The following DYSF variants were observed in gnomAD, a reference collection of about 807,000 sequenced individuals.
DYSF encodes dystrophy-associated fer-1-like 1.
DYSF carries 212 observed loss-of-function variants against 274.9 expected under a neutral mutation model. That is an observed-to-expected ratio of 0.77 (90% CI 0.69 to 0.86). The LOEUF (loss-of-function observed/expected upper bound fraction) is 0.86. DYSF is among the 40% of genes least tolerant of loss of function. DYSF has a pLI of 0.00. For missense variants in DYSF, 2,666 were observed against 2,783.2 expected, an observed-to-expected ratio of 0.96 and a Z score of 0.95; for synonymous variants, 1,091 against 1,078.7, an observed-to-expected ratio of 1.01 and a Z score of -0.22.
intron 2 of DYSF, among the ~76,000 whole-genome samples, chr2:71,481,461 G>C (rs1166381003): frequency 6.6e-6 from 1 of 152,196 alleles, no homozygotes; most frequent in African/African-American, 2.4e-5. Context: ...TAGCCAACAT[G>C]GCACTAACTC....
At chr2:71,680,901 A>T (rs1313132726) in intron 53 of DYSF, 100 bp from the exon 54 acceptor site, 14 of 902,880 alleles carry the variant, frequency 1.6e-5, no homozygotes, top group East Asian at 2.6e-5. Context: ...CTTTTTTTTT[A>T]AATAATGAAG....
intron 30 of DYSF, among the ~76,000 whole-genome samples, chr2:71,587,159 G>T (rs13401232): frequency 0.052 from 7,867 of 152,292 alleles, 369 homozygotes; most frequent in African/African-American, 0.13. Context: ...AGCCAGGGGG[G>T]TGTTCTGTGG....
chr2:71,532,846 A>G (rs79786041), intron 14 of DYSF, among the ~76,000 whole-genome samples: 8 of 134,146 alleles, frequency 6.0e-5, no homozygotes, highest in African/African-American at 1.5e-4. Context: ...CTATCTATCT[A>G]TCTATCTATC....
chr2:71,503,458 G>A (rs2152716097), intron 4 of DYSF, 139 bp downstream of exon 4: 1 of 881,396 alleles, frequency 1.1e-6, no homozygotes, highest in Non-Finnish European at 1.8e-6. Context: ...CCTGACCAGA[G>A]TTTGCAGTGT....
At chr2:71,481,657 A>G (rs1450951505) in intron 2 of DYSF, among the ~76,000 whole-genome samples, 1 of 148,932 alleles carries the variant, frequency 6.7e-6, no homozygotes, top group Non-Finnish European at 1.5e-5. Context: ...TTCAGCTCAT[A>G]CTGTCACCTC....
Position 71,664,448 on chromosome 2 carries a change from T to C in DYSF, c.5174+10T>C. The C allele has an allele frequency of 6.2e-7, 1 of 1,613,898 alleles. No individual in the cohort carries two copies. The highest frequency in any genetic ancestry group is 1.3e-5 in the African/African-American group (1 of 75,030). ...CACAGACCTACTGTGTGTACGTGGA[T>C]GGGGGCTGGCTGCCTGCTTCTCTGA... On this transcript the variant is annotated intron_variant, in intron 46 of 55. Coordinates refer to ENST00000410020, the MANE Select transcript of DYSF (RefSeq NM_001130987.2).
chr2:71,608,721 C>T (rs986917600), intron 36 of DYSF, among the ~76,000 whole-genome samples: 17 of 150,426 alleles, frequency 1.1e-4, no homozygotes, highest in Admixed American at 1.1e-3. Flanking sequence ...GGAATGTCAT[C>T]ACCACGGAGC....
chr2:71,522,703 C>G (rs1192703694), intron 12 of DYSF, among the ~76,000 whole-genome samples: 2 of 152,154 alleles, frequency 1.3e-5, no homozygotes, highest in African/African-American at 4.8e-5. Flanking sequence ...TTAGGCCCCT[C>G]TAACTTATTA....
At chr2:71,573,078 A>G (rs1316269108) in intron 29 of DYSF, among the ~76,000 whole-genome samples, 1 of 152,102 alleles carries the variant, frequency 6.6e-6, no homozygotes, top group Non-Finnish European at 1.5e-5. Context: ...CTTCCTAAAC[A>G]CACATTTGAA....
intron 32 of DYSF, among the ~76,000 whole-genome samples, chr2:71,597,315 G>T (rs2093429189): frequency 6.6e-6 from 1 of 152,170 alleles, no homozygotes; most frequent in Non-Finnish European, 1.5e-5. Flanking sequence ...CAAGGGTATT[G>T]AGTGCATGGT....
chr2:71,527,690 C>T (rs1458315830), intron 13 of DYSF, among the ~76,000 whole-genome samples: 2 of 152,036 alleles, frequency 1.3e-5, no homozygotes, highest in Non-Finnish European at 1.5e-5. Flanking sequence ...AATCTTTATC[C>T]CCCTCCACTT....
chr2:71,608,726 C>T (rs1529405), intron 36 of DYSF, among the ~76,000 whole-genome samples: 24,978 of 151,904 alleles, frequency 0.16, 4,145 homozygotes, highest in African/African-American at 0.43. Flanking sequence ...GTCATCACCA[C>T]GGAGCTCGAG....
chr2:71,644,633 G>GA (rs377607999), intron 42 of DYSF, among the ~76,000 whole-genome samples: 40 of 152,126 alleles, frequency 2.6e-4, no homozygotes, highest in African/African-American at 9.2e-4. Flanking sequence ...TGTTTCTGTG[G>GA]AAAAAAACAG....
chr2:71,474,009 C>A (rs111529888), intron 1 of DYSF, among the ~76,000 whole-genome samples: 1 of 148,454 alleles, frequency 6.7e-6, no homozygotes. Flanking sequence ...TCACCACAAC[C>A]TCTGCCTCCC....
chr2:71,516,879 A>G, intron 9 of DYSF, 110 bp from the exon 10 acceptor site: 1 of 974,692 alleles, frequency 1.0e-6, no homozygotes, highest in South Asian at 1.3e-5. Context: ...TCTGGAATTG[A>G]GTAAGTGTGA....
chr2:71,667,224 C>A lies in DYSF; in HGVS notation c.5318-152C>A, dbSNP rs1476819515. On this transcript the variant is annotated intron_variant, in intron 47 of 55. Transcript: ENST00000410020. ...CCCTATCAAAAGTGAGACATGAGGA[C>A]CAGAAAAAGTGCATCTGTGCTGGGG... The A allele has an allele frequency of 6.7e-6, 7 of 1,042,242 alleles. No individual in the cohort carries two copies. The East Asian group carries it at 1.2e-4, about 18-fold the overall frequency. 64.6% of individuals were successfully genotyped at this position (1,042,242 alleles called of 1,614,324 possible).
intron 1 of DYSF, among the ~76,000 whole-genome samples, chr2:71,475,209 G>A (rs35431364): frequency 9.2e-5 from 14 of 152,044 alleles, no homozygotes; most frequent in Non-Finnish European, 1.8e-4. Flanking sequence ...TCCTCCCTCC[G>A]CTGACAAACA....
In DYSF at chr2:71,681,101, AG is replaced by A. The variant is rs1397263011; in HGVS notation, c.6166del (p.Asp2056ThrfsTer19). ...RDEPNMNPKL[E>X]DPRRPDTSFL... ...GAGCCCAACATGAACCCTAAGCTTGAGGACCCAAGGTCAGTGCCCAGCCCCT... is the reference window on the plus strand; with the variant it reads ...GAGCCCAACATGAACCCTAAGCTTGAGACCCAAGGTCAGTGCCCAGCCCCT... On this transcript the variant is annotated frameshift_variant, in exon 54 of 56. Coordinates refer to ENST00000410020, the MANE Select transcript of DYSF (RefSeq NM_001130987.2). LOFTEE classifies it high-confidence loss of function. The A allele has an allele frequency of 1.2e-6, 2 of 1,614,030 alleles. No individual in the cohort carries two copies. Among genetic ancestry groups the A allele is most frequent in the Admixed American group, 3.3e-5 (2 of 60,032 alleles).
intron 17 of DYSF, among the ~76,000 whole-genome samples, chr2:71,539,445 T>A (rs2089711271): frequency 6.6e-6 from 1 of 152,184 alleles, no homozygotes. Context: ...TTGTGGGATA[T>A]GCCACTGAAG....
Sources: gnomAD v4.1 joint callset for allele counts (sites outside exome capture counted in the v4.1 genomes callset) on GRCh38, gnomAD v4.1.1 for gene constraint, MANE v1.5 for transcripts, NCBI Gene and HGNC (gene_info 2026-07-23, HGNC 2026-07-21) for gene names.